RBKS: variants seen among roughly 807,000 people sequenced by gnomAD.
RBKS encodes the protein ribokinase.
RBKS carries 33 observed loss-of-function variants against 33.9 expected under a neutral mutation model. The observed-to-expected ratio is 0.97, with a 90% CI of 0.74 to 1.30. The LOEUF is 1.30. Ranked by LOEUF, RBKS falls within the 50% of genes most tolerant of loss-of-function variation. RBKS has a pLI of 0.00. For synonymous variants in RBKS, 125 were observed against 143.0 expected (o/e 0.87, Z 0.90); for missense variants, 361 against 392.6 (o/e 0.92, Z 0.68).
intron 7 of RBKS, among the ~76,000 whole-genome samples, chr2:27,782,363 TAA>T (rs1201172139): frequency 2.0e-5 from 3 of 146,680 alleles, no homozygotes; most frequent in African/African-American, 7.5e-5. Flanking sequence ...AAATTTTAAT[TAA>T]AAAAAAAAGG....
In RBKS at chr2:27,845,527, GAAC is replaced by G. The variant is rs5830051; in HGVS notation, c.349+1512_349+1514del. On this transcript the variant is annotated intron_variant, in intron 4 of 7. Coordinates refer to ENST00000302188, the MANE Select transcript of RBKS (RefSeq NM_022128.3). ...GAAAGAGAACTTGAGGATAGTCCTA[GAAC>G]AACAACAACAACAACAACAACAACA... Among the ~76,000 whole-genome samples, 248 of 151,230 alleles carry G rather than the reference GAAC, an allele frequency of 1.6e-3. 1 individual carries two copies. Among genetic ancestry groups the G allele is most frequent in the Non-Finnish European group, 2.9e-3 (197 of 67,858 alleles).
chr2:27,858,610 T>C, intron 1 of RBKS, 39 bp from the exon 2 acceptor site: 1 of 1,585,248 alleles, frequency 6.3e-7, no homozygotes, highest in Non-Finnish European at 8.6e-7. Context: ...AGCATATTGG[T>C]AACTGTAATC....
At chr2:27,803,554 G>A (rs1260019901) in intron 7 of RBKS, among the ~76,000 whole-genome samples, 3 of 152,018 alleles carry the variant, frequency 2.0e-5, no homozygotes, top group Non-Finnish European at 2.9e-5. Context: ...GCTGGGTTTG[G>A]TGGCATGTAC....
chr2:27,783,090 C>T (rs1314548794), intron 7 of RBKS, among the ~76,000 whole-genome samples: 1 of 152,174 alleles, frequency 6.6e-6, no homozygotes, highest in Non-Finnish European at 1.5e-5. Flanking sequence ...CCAGTTGGCT[C>T]CTGTGTCCCT....
At chr2:27,888,212 C>T (rs1664587068) in intron 1 of RBKS, among the ~76,000 whole-genome samples, 1 of 152,036 alleles carries the variant, frequency 6.6e-6, no homozygotes, top group African/African-American at 2.4e-5. Context: ...ACTGCTACCT[C>T]CACCTCCCAG....
intron 6 of RBKS, among the ~76,000 whole-genome samples, chr2:27,832,184 G>T (rs902949424): frequency 1.3e-5 from 2 of 152,218 alleles, no homozygotes; most frequent in Non-Finnish European, 2.9e-5. Flanking sequence ...GAATGTAGCA[G>T]ATCTTCCAGG....
At chr2:27,849,684 T>C (rs1301835499) in intron 2 of RBKS, among the ~76,000 whole-genome samples, 3 of 152,088 alleles carry the variant, frequency 2.0e-5, no homozygotes, top group African/African-American at 7.2e-5. Flanking sequence ...TAGCTTTGTC[T>C]GTGACTGGAT....
intron 7 of RBKS, among the ~76,000 whole-genome samples, chr2:27,826,484 C>G (rs1678315910): frequency 6.6e-6 from 1 of 151,586 alleles, no homozygotes; most frequent in African/African-American, 2.4e-5. Context: ...TCTTGGCTCA[C>G]TGCAACCTCT....
chr2:27,859,190 G>C (rs1663922250), intron 1 of RBKS, among the ~76,000 whole-genome samples: 1 of 152,070 alleles, frequency 6.6e-6, no homozygotes, highest in African/African-American at 2.4e-5. Flanking sequence ...CACTCAAAAA[G>C]GGTGTCTATT....
At chr2:27,887,660 A>AT (rs1280570911) in intron 1 of RBKS, among the ~76,000 whole-genome samples, 3 of 152,062 alleles carry the variant, frequency 2.0e-5, no homozygotes, top group Non-Finnish European at 2.9e-5. Flanking sequence ...TTTACTAATG[A>AT]TTTTTTACTG....
chr2:27,806,908 C>G (rs1661226300), intron 7 of RBKS, among the ~76,000 whole-genome samples: 1 of 152,164 alleles, frequency 6.6e-6, no homozygotes, highest in African/African-American at 2.4e-5. Flanking sequence ...CCAGGTGATG[C>G]CGATACTGCT....
intron 7 of RBKS, among the ~76,000 whole-genome samples, chr2:27,813,777 TTGA>T (rs1678037675): frequency 6.6e-6 from 1 of 152,072 alleles, no homozygotes; most frequent in Admixed American, 6.6e-5. Context: ...TTTTTCAGAA[TTGA>T]TGAAAAACAT....
intron 7 of RBKS, chr2:27,782,549 G>A (rs1436104388): frequency 4.4e-6 from 2 of 451,808 alleles, no homozygotes; most frequent in Admixed American, 5.0e-5. Flanking sequence ...ACCTTAATTG[G>A]GATATGTCCG....
At chr2:27,802,895 G>T (rs1677827564) in intron 7 of RBKS, among the ~76,000 whole-genome samples, 1 of 152,224 alleles carries the variant, frequency 6.6e-6, no homozygotes, top group South Asian at 2.1e-4. Flanking sequence ...AGACAGGACT[G>T]AGCGGTCTGT....
chr2:27,803,755 A>ACAGAG (rs1307687678), intron 7 of RBKS, among the ~76,000 whole-genome samples: 20 of 150,214 alleles, frequency 1.3e-4, no homozygotes, highest in Non-Finnish European at 2.7e-4. Flanking sequence ...CAATTAAAAG[A>ACAGAG]CAGAGCAGGG....
chr2:27,794,372 G>A (rs1677599267), intron 7 of RBKS, among the ~76,000 whole-genome samples: 1 of 149,928 alleles, frequency 6.7e-6, no homozygotes, highest in African/African-American at 2.4e-5. Flanking sequence ...AATCCCAAGT[G>A]TGAGAAAGAA....
intron 1 of RBKS, among the ~76,000 whole-genome samples, chr2:27,861,947 ATTTTTT>A (rs763090773): frequency 2.6e-5 from 3 of 113,724 alleles, no homozygotes; most frequent in African/African-American, 7.0e-5. Flanking sequence ...GCCTGGCCTG[ATTTTTT>A]TTTTTTTTTT....
intron 7 of RBKS, among the ~76,000 whole-genome samples, chr2:27,799,873 G>A (rs2148187977): frequency 6.6e-6 from 1 of 152,274 alleles, no homozygotes; most frequent in Admixed American, 6.5e-5. Flanking sequence ...TCTAAAAATG[G>A]GGCTTCTGCC....
intron 1 of RBKS, among the ~76,000 whole-genome samples, chr2:27,866,434 T>C (rs1425139158): frequency 2.6e-5 from 4 of 152,232 alleles, no homozygotes; most frequent in Non-Finnish European, 5.9e-5. Flanking sequence ...GTTCATTGTT[T>C]GCATAGTTTG....
Sources: gnomAD v4.1 joint callset for allele counts (sites outside exome capture counted in the v4.1 genomes callset) on GRCh38, gnomAD v4.1.1 for gene constraint, MANE v1.5 for transcripts, NCBI Gene and HGNC (gene_info 2026-07-23, HGNC 2026-07-21) for gene names.